WASF3: variants seen among roughly 807,000 people sequenced by gnomAD.
The protein encoded by WASF3 is WASP family member 3.
Under a neutral mutation model 46.6 loss-of-function variants are expected in WASF3, and 11 were observed. The observed-to-expected ratio is 0.24, with a 90% CI of 0.15 to 0.39. WASF3 has a LOEUF of 0.39. Ranked by LOEUF, WASF3 falls within the 10% of genes least tolerant of loss-of-function variation. The pLI, the probability that WASF3 is intolerant of heterozygous loss-of-function variation, is 1.00. For synonymous variants in WASF3, 242 were observed against 259.7 expected, an observed-to-expected ratio of 0.93 and a Z score of 0.65; for missense variants, 576 against 669.8, an observed-to-expected ratio of 0.86 and a Z score of 1.55.
upstream of WASF3, among the ~76,000 whole-genome samples, chr13:26,555,436 A>C (rs756053941): frequency 6.6e-6 from 1 of 152,096 alleles, no homozygotes; most frequent in African/African-American, 2.4e-5. Flanking sequence ...CCAATGCCCC[A>C]ACTTTAAATA....
chr13:26,603,443 A>G (rs968426081), intron 1 of WASF3, among the ~76,000 whole-genome samples: 1 of 152,232 alleles, frequency 6.6e-6, no homozygotes, highest in Non-Finnish European at 1.5e-5. Flanking sequence ...GGCAATAGGA[A>G]GTCAGAGACC....
At chr13:26,616,302 C>G (rs971011288) in intron 2 of WASF3, among the ~76,000 whole-genome samples, 1 of 152,168 alleles carries the variant, frequency 6.6e-6, no homozygotes, top group Non-Finnish European at 1.5e-5. Flanking sequence ...TTTAGCCATT[C>G]TCATCAGTGT....
intron 3 of WASF3, among the ~76,000 whole-genome samples, chr13:26,663,107 T>G (rs1014968505): frequency 9.9e-5 from 15 of 152,096 alleles, no homozygotes; most frequent in Non-Finnish European, 2.1e-4. Flanking sequence ...GGACAAGACT[T>G]GGTGTTGAGT....
chr13:26,551,743 T>C, the WASF3 span, among the ~76,000 whole-genome samples: 1 of 152,146 alleles, frequency 6.6e-6, no homozygotes, highest in East Asian at 1.9e-4. Flanking sequence ...CCAGGGCATG[T>C]AGGGCGAATG....
At chr13:26,573,702 G>A (rs1360885799) in intron 1 of WASF3, among the ~76,000 whole-genome samples, 1 of 151,884 alleles carries the variant, frequency 6.6e-6, no homozygotes, top group East Asian at 1.9e-4. Context: ...ATATTTTACT[G>A]ATATGAATAC....
chr13:26,649,164 AAAGT>A (rs1298174324), intron 3 of WASF3, among the ~76,000 whole-genome samples: 2 of 152,224 alleles, frequency 1.3e-5, no homozygotes, highest in African/African-American at 4.8e-5. Flanking sequence ...TCAGCAGCCT[AAAGT>A]AGTAGTCTTC....
chr13:26,595,947 A>G (rs1219756252), intron 1 of WASF3, among the ~76,000 whole-genome samples: 5 of 152,234 alleles, frequency 3.3e-5, no homozygotes, highest in Admixed American at 6.5e-5. Flanking sequence ...TAAAGCTGCT[A>G]TGGACATTTG....
intron 1 of WASF3, among the ~76,000 whole-genome samples, chr13:26,594,160 A>G (rs1167149982): frequency 6.6e-6 from 1 of 152,156 alleles, no homozygotes; most frequent in African/African-American, 2.4e-5. Context: ...TTCATTCTTA[A>G]TACTATTTTC....
In WASF3 at chr13:26,676,543, C is replaced by T; in HGVS notation, c.541-6C>T. The stretch of plus-strand genomic sequence containing the variant: ...GGCATGCTCTCTTTCCTTTCCTGGA[C>T]ATCAGGAGCAAAAGCGTATAGATGG... On this transcript the variant is annotated splice_region_variant and splice_polypyrimidine_tract_variant and intron_variant, in intron 6 of 9. Coordinates refer to ENST00000335327, the MANE Select transcript of WASF3 (RefSeq NM_006646.6). 2 of 1,612,472 alleles carry T rather than the reference C, an allele frequency of 1.2e-6. No individual in the cohort carries two copies. The highest frequency in any genetic ancestry group is 1.1e-5 in the South Asian group (1 of 90,702).
chr13:26,610,986 G>A (rs974257843), intron 1 of WASF3, among the ~76,000 whole-genome samples: 5 of 150,136 alleles, frequency 3.3e-5, no homozygotes, highest in African/African-American at 9.8e-5. Context: ...GCATGTGTCC[G>A]TGCCCAAAAG....
At chr13:26,631,046 G>A (rs1414820634) in intron 2 of WASF3, among the ~76,000 whole-genome samples, 1 of 152,110 alleles carries the variant, frequency 6.6e-6, no homozygotes, top group Non-Finnish European at 1.5e-5. Flanking sequence ...TGTAGATTCT[G>A]GATATTAGCC....
chr13:26,653,398 T>C (rs554391477), intron 3 of WASF3, among the ~76,000 whole-genome samples: 1 of 152,320 alleles, frequency 6.6e-6, no homozygotes, highest in South Asian at 2.1e-4. Context: ...TGTATTCATA[T>C]CTCCATGGCC....
In WASF3 at chr13:26,665,102, C is replaced by G; in HGVS notation, c.208C>G (p.Gln70Glu). The G allele has an allele frequency of 6.2e-7, 1 of 1,614,134 alleles. No individual in the cohort carries two copies. The highest frequency in any genetic ancestry group is 8.5e-7 in the Non-Finnish European group (1 of 1,179,990). ...CTTCTACATCAGAGCAAATTCTCTT[C>G]AAGACAGAATTGATCGCCTTGCTGT... ...NNFYIRANSL[Q>E]DRIDRLAVKV... Residue 70 changes from glutamine (Q) to glutamate (E), a missense_variant, in exon 4 of 10, where the codon CAA becomes GAA. By Grantham distance (29) the Gln-to-Glu change is conservative. This residue lies in a region of WASF3 where 213 missense variants were observed against 278.0 expected (regional missense o/e 0.77). Transcript: ENST00000335327.
intron 1 of WASF3, among the ~76,000 whole-genome samples, chr13:26,607,072 G>A (rs143634411): frequency 6.6e-6 from 1 of 152,176 alleles, no homozygotes; most frequent in Admixed American, 6.5e-5. Flanking sequence ...AGGTATGTCT[G>A]TATAGGAGAA....
intron 1 of WASF3, among the ~76,000 whole-genome samples, chr13:26,607,864 A>C (rs148741202): frequency 2.6e-5 from 4 of 152,052 alleles, no homozygotes; most frequent in Non-Finnish European, 2.9e-5. Context: ...TCAAACTCCT[A>C]GGCTTAAGAG....
chr13:26,671,155 A>AT (rs1270881264), intron 5 of WASF3, among the ~76,000 whole-genome samples: 6 of 152,190 alleles, frequency 3.9e-5, no homozygotes, highest in Non-Finnish European at 7.3e-5. Flanking sequence ...CTTGATTTAT[A>AT]TGACAGTTTT....
At chr13:26,643,695 T>A (rs1882066428) in intron 3 of WASF3, among the ~76,000 whole-genome samples, 1 of 152,226 alleles carries the variant, frequency 6.6e-6, no homozygotes, top group Non-Finnish European at 1.5e-5. Flanking sequence ...GAAATGCCTG[T>A]TGGCACAAAG....
In WASF3 at chr13:26,665,192, G is replaced by C. The variant is rs367628863; in HGVS notation, c.268+30G>C. 31 of 1,609,350 alleles carry C rather than the reference G, an allele frequency of 1.9e-5. 2 individuals are homozygous for C. In the African/African-American group the frequency reaches 2.4e-4, roughly 12 times the overall value. On this transcript the variant is annotated intron_variant, in intron 4 of 9. Coordinates refer to ENST00000335327, the MANE Select transcript of WASF3 (RefSeq NM_006646.6). ...GTAATTGCCTGAAAGCAGTGAGCTA[G>C]AAGTGATGTTGACAAGATGGTAGTA...
chr13:26,613,195 A>G (rs1881029445), intron 2 of WASF3, 137 bp downstream of exon 2: 1 of 150,564 alleles, frequency 6.6e-6, no homozygotes, highest in African/African-American at 2.4e-5. Context: ...ATACTTTAAT[A>G]TATAAATATT....
Sources: allele counts gnomAD v4.1 joint callset (sites outside exome capture counted in the v4.1 genomes callset), GRCh38; gene constraint gnomAD v4.1.1; regional missense constraint gnomAD v4.1.1; transcripts MANE v1.5; gene names NCBI Gene and HGNC (gene_info 2026-07-23, HGNC 2026-07-21).